Variants in ME3 observed in about 807,000 individuals in gnomAD.
ME3 encodes malic enzyme 3.
In ME3, 48 loss-of-function variants were observed where a neutral mutation model predicts 68.9. The observed-to-expected ratio is 0.70, with a 90% CI of 0.55 to 0.89. The LOEUF (loss-of-function observed/expected upper bound fraction) is 0.89. Ranked by LOEUF, ME3 falls within the 40% of genes least tolerant of loss-of-function variation. ME3 has a pLI of 0.00. For synonymous variants in ME3, 320 were observed against 318.8 expected, an observed-to-expected ratio of 1.00 and a Z score of -0.04; for missense variants, 675 against 797.4, an observed-to-expected ratio of 0.85 and a Z score of 1.85.
At chr11:86,625,427 C>G (rs1943602070) in intron 2 of ME3, among the ~76,000 whole-genome samples, 1 of 152,070 alleles carries the variant, frequency 6.6e-6, no homozygotes, top group Admixed American at 6.6e-5. Flanking sequence ...ATTACATAAT[C>G]AGGAACCTCC....
chr11:86,669,055 G>A (rs1387526913), intron 2 of ME3, among the ~76,000 whole-genome samples: 2 of 152,214 alleles, frequency 1.3e-5, no homozygotes, highest in Non-Finnish European at 2.9e-5. Flanking sequence ...CCTGGCTGAT[G>A]CAAAGTACCA....
intron 2 of ME3, among the ~76,000 whole-genome samples, chr11:86,641,856 T>A (rs982964136): frequency 6.6e-6 from 1 of 152,184 alleles, no homozygotes; most frequent in East Asian, 1.9e-4. Flanking sequence ...TTGTTCCTGA[T>A]GCTATTAAAA....
chr11:86,559,888 G>A (rs1957122033), intron 2 of ME3, 65 bp from the exon 3 acceptor site: 1 of 1,541,774 alleles, frequency 6.5e-7, no homozygotes, highest in Non-Finnish European at 8.8e-7. Flanking sequence ...GGAACAGAAG[G>A]GGTCCCACCC....
rs371097366 is a variant in ME3 at position 86,671,020 on chromosome 11, CAA to C, written c.183+740_183+741del. Among the ~76,000 whole-genome samples the C allele has an allele frequency of 1.9e-3, 293 of 152,284 alleles. 2 individuals are homozygous for C. The highest frequency in any genetic ancestry group is 3.6e-3 in the Non-Finnish European group (244 of 68,004). ...ATTTCTCTCACCCAATCCTCTGAAC[CAA>C]AGATACTAAACTCTATTCCCAAAAA... On this transcript the variant is annotated intron_variant, in intron 2 of 14. Coordinates refer to ENST00000543262, the Ensembl canonical transcript of ME3.
intron 4 of ME3, among the ~76,000 whole-genome samples, chr11:86,552,953 A>G (rs1956766994): frequency 6.6e-6 from 1 of 151,930 alleles, no homozygotes; most frequent in African/African-American, 2.4e-5. Context: ...CTGACACTGG[A>G]CCCCATATGG....
intron 2 of ME3, among the ~76,000 whole-genome samples, chr11:86,560,732 GTGTGTGTGTGTGTGTGTA>G (rs1957172651): frequency 6.6e-5 from 4 of 60,596 alleles, no homozygotes; most frequent in Non-Finnish European, 1.1e-4. Flanking sequence ...GTGTATGTGT[GTGTGTGTGTGTGTGTGTA>G]TATATATATA....
chr11:86,443,678 G>T (rs1239326159), intron 13 of ME3, among the ~76,000 whole-genome samples: 3 of 152,230 alleles, frequency 2.0e-5, no homozygotes, highest in Admixed American at 6.5e-5. Flanking sequence ...TCTGAGAACT[G>T]TGTGTCTCAG....
In ME3 at chr11:86,595,290, TAC is replaced by T. The variant is rs199971432; in HGVS notation, c.184-35469_184-35468del. 3.0e-5 allele frequency among the ~76,000 whole-genome samples: 2 copies of T among 67,510 alleles called. 1 individual carries two copies. Among genetic ancestry groups the T allele is most frequent in the South Asian group, 9.7e-4 (2 of 2,072 alleles). 44.3% of individuals were successfully genotyped at this position (67,510 alleles called of 152,430 possible). ...ACTCTATTTTACATATATATACATA[TAC>T]ATATATATATATATAGAGAGAGAGA... On this transcript the variant is annotated intron_variant, in intron 2 of 14. Coordinates refer to ENST00000543262, the Ensembl canonical transcript of ME3.
At chr11:86,643,436 C>T (rs1043321661) in intron 2 of ME3, among the ~76,000 whole-genome samples, 3 of 152,072 alleles carry the variant, frequency 2.0e-5, no homozygotes, top group African/African-American at 7.2e-5. Flanking sequence ...AACATCTTTC[C>T]CCCATCTTCT....
chr11:86,668,899 GA>G (rs1287993100), intron 2 of ME3, among the ~76,000 whole-genome samples: 2 of 152,168 alleles, frequency 1.3e-5, no homozygotes, highest in Admixed American at 6.5e-5. Context: ...ACCTGGCCTG[GA>G]AGGGCTCTCC....
chr11:86,510,619 C>T (rs538117585), intron 4 of ME3, among the ~76,000 whole-genome samples: 1 of 152,206 alleles, frequency 6.6e-6, no homozygotes, highest in South Asian at 2.1e-4. Flanking sequence ...GTGTGGTTGT[C>T]CTGCACATTG....
intron 4 of ME3, 43 bp downstream of exon 4, chr11:86,556,508 CTA>C (rs1956931405): frequency 8.2e-6 from 13 of 1,591,150 alleles, no homozygotes; most frequent in Non-Finnish European, 1.1e-5. Flanking sequence ...TTATTCCCCT[CTA>C]TGAGGCAGCC....
At chr11:86,449,933 T>C in exon 10 of ME3, 1 of 1,614,142 alleles carries the variant, frequency 6.2e-7, no homozygotes, top group Non-Finnish European at 8.5e-7. Context: ...ATCTTTCTTG[T>C]GGCCTCTGCC....
intron 6 of ME3, among the ~76,000 whole-genome samples, chr11:86,494,965 A>G (rs1226377403): frequency 6.6e-6 from 1 of 152,214 alleles, no homozygotes; most frequent in Non-Finnish European, 1.5e-5. Context: ...GGAAAGAAAC[A>G]CAAATGCAAC....
At chr11:86,504,038 G>T (rs566873294) in intron 5 of ME3, among the ~76,000 whole-genome samples, 11 of 152,316 alleles carry the variant, frequency 7.2e-5, no homozygotes, top group African/African-American at 2.4e-4. Flanking sequence ...AAACTTCGTG[G>T]TCTCCCCAGC....
In ME3 at chr11:86,535,040, A is replaced by G. The variant is rs887691894; in HGVS notation, c.467+21513T>C. Among the ~76,000 whole-genome samples the G allele has an allele frequency of 4.5e-4, 69 of 152,168 alleles. 1 individual carries two copies. The highest frequency in any genetic ancestry group is 4.5e-3 in the Admixed American group (69 of 15,278). ...GGTTTAAAACCACTGGCCTAGGTAG[A>G]GGTTTACTCTCAAACACTGCCCTCT... is the stretch of plus-strand genomic sequence containing the variant. On this transcript the variant is annotated intron_variant, in intron 4 of 14. Coordinates refer to ENST00000543262, the Ensembl canonical transcript of ME3.
At chr11:86,652,465 C>T (rs1464370985) in intron 2 of ME3, among the ~76,000 whole-genome samples, 2 of 152,072 alleles carry the variant, frequency 1.3e-5, no homozygotes, top group African/African-American at 2.4e-5. Context: ...AAAGAATTTT[C>T]AACCCAGAAT....
intron 8 of ME3, among the ~76,000 whole-genome samples, chr11:86,459,891 G>A (rs1340417130): frequency 1.3e-5 from 2 of 152,206 alleles, no homozygotes; most frequent in Non-Finnish European, 2.9e-5. Context: ...TGGCCAGGTG[G>A]AGGAAGCTGC....
At chr11:86,665,820 A>G (rs1002416458) in intron 2 of ME3, among the ~76,000 whole-genome samples, 3 of 146,278 alleles carry the variant, frequency 2.1e-5, no homozygotes, top group Non-Finnish European at 4.5e-5. Context: ...GGTGGATTCC[A>G]TAAGGGGTCT....
Sources: allele counts gnomAD v4.1 joint callset (sites outside exome capture counted in the v4.1 genomes callset), GRCh38; gene constraint gnomAD v4.1.1; transcripts MANE v1.5; gene names NCBI Gene and HGNC (gene_info 2026-07-23, HGNC 2026-07-21).